The following PPP4R4 variants were observed in gnomAD, a reference collection of about 807,000 sequenced individuals.
PPP4R4 encodes protein phosphatase 4 regulatory subunit 4, also known as serine/threonine-protein phosphatase 4 regulatory subunit 4.
PPP4R4 carries 70 observed loss-of-function variants against 121.8 expected under a neutral mutation model. The ratio of observed to expected loss-of-function variants is 0.57; its 90% CI spans 0.47 to 0.70. The LOEUF is 0.70. Ranked by LOEUF, PPP4R4 falls within the 30% of genes least tolerant of loss-of-function variation. The pLI is 0.00. For missense variants in PPP4R4, 875 were observed against 1,033.6 expected, an observed-to-expected ratio of 0.85 and a Z score of 2.10; for synonymous variants, 348 against 355.7, an observed-to-expected ratio of 0.98 and a Z score of 0.24.
rs530424459 is a variant in PPP4R4 at position 94,174,650 on chromosome 14, T to C, written c.117+68T>C. 1.3e-5 allele frequency: 21 copies of C among 1,566,020 alleles called. No homozygotes were observed. The South Asian group carries it at 2.2e-4, about 16-fold the overall frequency. ...CCTGCCCCGCGCGGTCCCGCGCTGATCTCTGCCCCACGCCACCACCCTCCC... is the reference window on the plus strand; with the variant it reads ...CCTGCCCCGCGCGGTCCCGCGCTGACCTCTGCCCCACGCCACCACCCTCCC... On this transcript the variant is annotated intron_variant, in intron 1 of 24. Coordinates refer to ENST00000304338, the MANE Select transcript of PPP4R4 (RefSeq NM_058237.2).
rs767279581 is a variant in PPP4R4, at chr14:94,265,531, G to T, written c.2284+58G>T. ...AATTTTTCTTCCTTGTATACAAATT[G>T]CTGGGAAAGTCACTCTATTAGATGA... is the stretch of plus-strand genomic sequence containing the variant. On this transcript the variant is annotated intron_variant, in intron 21 of 24. Coordinates refer to ENST00000304338, the MANE Select transcript of PPP4R4 (RefSeq NM_058237.2). The T allele has an allele frequency of 3.0e-5, 43 of 1,430,356 alleles. No homozygotes were observed. In the East Asian group the frequency reaches 9.7e-4, roughly 32 times the overall value. 88.6% of individuals were successfully genotyped at this position (1,430,356 alleles called of 1,614,324 possible). A position where few individuals can be genotyped will look rare whatever the true frequency, so the allele number is the denominator to read the frequency against.
intron 11 of PPP4R4, among the ~76,000 whole-genome samples, chr14:94,243,595 A>G (rs1177798797): frequency 5.9e-5 from 9 of 152,280 alleles, no homozygotes. Context: ...ACATAGCACC[A>G]TATAATTAAA....
chr14:94,250,778 G>A (rs1365969241), intron 15 of PPP4R4, among the ~76,000 whole-genome samples: 1 of 151,856 alleles, frequency 6.6e-6, no homozygotes, highest in Non-Finnish European at 1.5e-5. Context: ...TAAAATCAAG[G>A]CAAAAACATT....
intron 23 of PPP4R4, among the ~76,000 whole-genome samples, chr14:94,274,624 C>T (rs1014587056): frequency 3.9e-5 from 6 of 152,118 alleles, no homozygotes; most frequent in Non-Finnish European, 5.9e-5. Flanking sequence ...TAGAAAGACT[C>T]ACAATATCAA....
intron 3 of PPP4R4, among the ~76,000 whole-genome samples, chr14:94,230,115 A>G (rs1434507756): frequency 6.6e-6 from 1 of 152,138 alleles, no homozygotes; most frequent in Non-Finnish European, 1.5e-5. Flanking sequence ...AAGGGGAAAT[A>G]TTTTGCATAC....
At position 94,258,883 on chromosome 14, in the gene PPP4R4, A is replaced by G; in HGVS notation, c.2052+59A>G. The G allele has an allele frequency of 2.1e-6, 3 of 1,440,966 alleles. No individual in the cohort carries two copies. The South Asian group carries it at 3.5e-5, about 17-fold the overall frequency. The allele number at this position is 1,440,966 out of a possible 1,614,324, so 89.3% of individuals were successfully genotyped here. ...CCATTTTCATGCTGCTGAAAAAGAC[A>G]TACCCAAGACTGGGCAATTTACAAA... On this transcript the variant is annotated intron_variant, in intron 18 of 24. Transcript: ENST00000304338.
At chr14:94,273,943 T>A (rs1306019892) in intron 23 of PPP4R4, among the ~76,000 whole-genome samples, 1 of 152,156 alleles carries the variant, frequency 6.6e-6, no homozygotes, top group East Asian at 1.9e-4. Context: ...GGGCATTTAG[T>A]GTAACCTAAT....
At chr14:94,206,390 C>G (rs1451144488) in intron 2 of PPP4R4, among the ~76,000 whole-genome samples, 2 of 151,850 alleles carry the variant, frequency 1.3e-5, no homozygotes, top group Non-Finnish European at 2.9e-5. Flanking sequence ...AGTATATAGT[C>G]GAATCATTTT....
At position 94,204,415 on chromosome 14, in the gene PPP4R4, T is replaced by C. The variant is rs1890354066; in HGVS notation, c.192-4049T>C. ...ATATGTGTGGGGGTCTATTTCTGGG[T>C]TCTCTCTTCTGTTCTGTGGATCTGT... On this transcript the variant is annotated intron_variant, in intron 2 of 24. Coordinates refer to ENST00000304338, the MANE Select transcript of PPP4R4 (RefSeq NM_058237.2). 1.3e-5 allele frequency among the ~76,000 whole-genome samples: 2 copies of C among 152,020 alleles called. 1 individual carries two copies. The highest frequency in any genetic ancestry group is 4.1e-4 in the South Asian group (2 of 4,822).
chr14:94,246,237 G>T, intron 13 of PPP4R4, 120 bp from the exon 14 acceptor site: 2 of 736,506 alleles, frequency 2.7e-6, no homozygotes, highest in Non-Finnish European at 4.1e-6. Flanking sequence ...CAACTAAGAT[G>T]TCTCCTAAAC....
At chr14:94,208,323 T>A (rs1428470425) in intron 2 of PPP4R4, 141 bp from the exon 3 acceptor site, 1 of 484,068 alleles carries the variant, frequency 2.1e-6, no homozygotes, top group Non-Finnish European at 3.5e-6. Context: ...ATCTAAATGA[T>A]GTATTTCTGG....
rs138942681 is a variant in PPP4R4 at position 94,215,618 on chromosome 14, G to C, written c.294+7052G>C. ...AGGTTGATAGAAGATAATCATCAGG[G>C]TCAGAATTAAGAGGTCTTGTGGTTT... is the stretch of plus-strand genomic sequence containing the variant. On this transcript the variant is annotated intron_variant, in intron 3 of 24. Coordinates refer to ENST00000304338, the MANE Select transcript of PPP4R4 (RefSeq NM_058237.2). 2.0e-3 allele frequency among the ~76,000 whole-genome samples: 304 copies of C among 152,176 alleles called. 1 individual carries two copies. Among genetic ancestry groups the C allele is most frequent in the African/African-American group, 7.0e-3 (289 of 41,516 alleles).
intron 23 of PPP4R4, among the ~76,000 whole-genome samples, chr14:94,274,396 G>T (rs920751794): frequency 5.3e-5 from 8 of 151,992 alleles, no homozygotes; most frequent in Admixed American, 4.6e-4. Context: ...ACCAGACAAA[G>T]AATTTGTATC....
chr14:94,251,099 T>G (rs1893155763), intron 15 of PPP4R4, among the ~76,000 whole-genome samples: 1 of 152,060 alleles, frequency 6.6e-6, no homozygotes. Flanking sequence ...CAAGAGCTCA[T>G]GTTTAGAATG....
intron 3 of PPP4R4, among the ~76,000 whole-genome samples, chr14:94,222,100 GT>G (rs1295543786): frequency 6.6e-6 from 1 of 151,794 alleles, no homozygotes; most frequent in African/African-American, 2.4e-5. Context: ...ACATGATTGG[GT>G]TTTATTTTTT....
intron 14 of PPP4R4, among the ~76,000 whole-genome samples, chr14:94,249,269 T>C (rs1893057116): frequency 6.6e-6 from 1 of 152,004 alleles, no homozygotes; most frequent in Non-Finnish European, 1.5e-5. Context: ...AATTTTCTTT[T>C]CTAAATCATA....
chr14:94,221,035 A>G (rs940285369), intron 3 of PPP4R4, among the ~76,000 whole-genome samples: 10 of 152,148 alleles, frequency 6.6e-5, no homozygotes, highest in African/African-American at 2.4e-4. Flanking sequence ...TGGTGTAAAG[A>G]CAGATAAAGT....
Position 94,261,073 on chromosome 14 carries a change from C to T in PPP4R4, c.2127+1704C>T, listed in dbSNP as rs138970783. Among the ~76,000 whole-genome samples, 22 of 152,188 alleles carry T rather than the reference C, an allele frequency of 1.4e-4. No homozygotes were observed. The East Asian group carries it at 4.0e-3, about 28-fold the overall frequency. On this transcript the variant is annotated intron_variant, in intron 19 of 24. Transcript: ENST00000304338. ...TCTTTTCCCCATTGAATTGTCTTAG[C>T]GTCCTTAAGAAATAGTTGTACACAT...
chr14:94,217,415 T>C (rs143717136), intron 3 of PPP4R4, among the ~76,000 whole-genome samples: 2,084 of 152,152 alleles, frequency 0.014, 30 homozygotes, highest in Middle Eastern at 0.031. Flanking sequence ...CTAGCAGAGG[T>C]GGAATGTTCA....
Sources: allele counts gnomAD v4.1 joint callset (sites outside exome capture counted in the v4.1 genomes callset), GRCh38; gene constraint gnomAD v4.1.1; transcripts MANE v1.5; gene names NCBI Gene and HGNC (gene_info 2026-07-23, HGNC 2026-07-21).